NHS: variants seen among roughly 807,000 people sequenced by gnomAD.
NHS encodes the protein NHS actin remodeling regulator, also known as actin remodeling regulator NHS.
A neutral mutation model predicts 72.5 loss-of-function variants in NHS; 5 were observed. The observed-to-expected ratio is 0.07, with a 90% CI of 0.04 to 0.14. NHS has a LOEUF of 0.14. Ranked by LOEUF, NHS falls within the 10% of genes least tolerant of loss-of-function variation. NHS has a pLI of 1.00. For synonymous variants in NHS, 464 were observed against 547.7 expected, an observed-to-expected ratio of 0.85 and a Z score of 2.13; for missense variants, 1,072 against 1,355.7, an observed-to-expected ratio of 0.79 and a Z score of 3.29.
chrX:17,380,668 C>T (rs147258928), intron 1 of NHS, among the ~76,000 whole-genome samples: 130 of 111,971 alleles, frequency 1.2e-3, no homozygotes, highest in Non-Finnish European at 2.1e-3. Context: ...TCTTGTAAGG[C>T]GTTTCACTCT....
chrX:17,585,334 C>G (rs2065569245), intron 1 of NHS, among the ~76,000 whole-genome samples: 1 of 112,165 alleles, frequency 8.9e-6, no homozygotes, highest in African/African-American at 3.2e-5. Flanking sequence ...CTGGGCTAAA[C>G]TACTATTAGC....
rs1460333806 is a variant in NHS at position 17,429,257 on chromosome X, T to TGTGTGTGC, written c.565+52936_565+52937insTGTGTGCG. On this transcript the variant is annotated intron_variant, in intron 1 of 8. Coordinates refer to ENST00000676302, the MANE Select transcript of NHS (RefSeq NM_001291867.2). ...GTGTGTGTGTGTGTGTGTGTGTGTGTGCACACGTGCGCGCGCGCTATACAG... is the reference window on the plus strand; with the variant it reads ...GTGTGTGTGTGTGTGTGTGTGTGTGTGTGTGTGCGCACACGTGCGCGCGCGCTATACAG... Among the ~76,000 whole-genome samples the TGTGTGTGC allele has an allele frequency of 9.5e-3, 1,017 of 106,536 alleles. 13 individuals carry two copies. Among genetic ancestry groups the TGTGTGTGC allele is most frequent in the African/African-American group, 0.034 (975 of 28,738 alleles). The allele number at this position is 106,536 out of a possible 115,157, so 92.5% of individuals were successfully genotyped here.
At chrX:17,654,352 C>T (rs1016323284) in intron 1 of NHS, among the ~76,000 whole-genome samples, 2 of 111,972 alleles carry the variant, frequency 1.8e-5, no homozygotes, top group African/African-American at 6.5e-5. Flanking sequence ...CCTGTCCCAG[C>T]CACACTCTGT....
At chrX:17,613,616 T>G (rs1301061101) in intron 1 of NHS, among the ~76,000 whole-genome samples, 2 of 111,491 alleles carry the variant, frequency 1.8e-5, no homozygotes, top group Admixed American at 1.9e-4. Context: ...GGAAAACCCA[T>G]CCCTGGCATC....
intron 1 of NHS, among the ~76,000 whole-genome samples, chrX:17,455,311 C>T (rs1400187394): frequency 2.7e-5 from 3 of 111,856 alleles, no homozygotes; most frequent in Non-Finnish European, 5.6e-5. Context: ...GACAGCTCCT[C>T]TTCCTCCTTC....
intron 1 of NHS, among the ~76,000 whole-genome samples, chrX:17,615,161 C>CGTATATATACG (rs1407423382): frequency 1.3e-4 from 5 of 39,250 alleles, no homozygotes; most frequent in African/African-American, 4.9e-4. Flanking sequence ...TGTATATATA[C>CGTATATATACG]TATATATATA....
At chrX:17,591,201 T>C (rs1051452885) in intron 1 of NHS, among the ~76,000 whole-genome samples, 2 of 111,814 alleles carry the variant, frequency 1.8e-5, no homozygotes, top group Non-Finnish European at 3.8e-5. Flanking sequence ...GAGTTACTGT[T>C]GATGGAGAAA....
At chrX:17,704,808 T>C (rs761042764) in intron 3 of NHS, among the ~76,000 whole-genome samples, 1 of 111,929 alleles carries the variant, frequency 8.9e-6, no homozygotes, top group South Asian at 3.8e-4. Context: ...GTCAGAAATA[T>C]ATTCAATAGG....
Position 17,725,592 on chromosome X carries a change from C to A in NHS, c.1486C>A (p.Pro496Thr), listed in dbSNP as rs776544929. The A allele has an allele frequency of 8.3e-6, 10 of 1,211,804 alleles. No individual in the cohort carries two copies. Among genetic ancestry groups the A allele is most frequent in the South Asian group, 3.5e-5 (2 of 56,975 alleles). The change falls in exon 7 of 9, where the codon CCT (proline) becomes ACT (threonine). Residue 496 changes from proline (P) to threonine (T), a missense_variant. Pro to Thr is a conservative substitution (Grantham distance 38, BLOSUM62 -1). Coordinates refer to ENST00000676302, the MANE Select transcript of NHS (RefSeq NM_001291867.2). ...AGACAAAGGTGACACCATGTTTACT[C>A]CTGCAGTGAGCAGCCGCACAAGATC... Reference protein sequence around the residue: ...LADKGDTMFTPAVSSRTRSRS... With the variant: ...LADKGDTMFTTAVSSRTRSRS...
intron 1 of NHS, among the ~76,000 whole-genome samples, chrX:17,570,898 G>A (rs895893829): frequency 6.3e-5 from 7 of 111,828 alleles, no homozygotes; most frequent in Non-Finnish European, 9.4e-5. Context: ...GAATTTTGTC[G>A]AAGGCCTTTT....
At position 17,543,832 on chromosome X, in the gene NHS, C is replaced by T. The variant is rs760226335; in HGVS notation, c.566-143910C>T. On this transcript the variant is annotated intron_variant, in intron 1 of 8. Coordinates refer to ENST00000676302, the MANE Select transcript of NHS (RefSeq NM_001291867.2). ...CCCCTCCTCTTTTTCCTTTTGATACCAGGAGCTACTTCACTTAAAAGTGCC... is the reference window on the plus strand; with the variant it reads ...CCCCTCCTCTTTTTCCTTTTGATACTAGGAGCTACTTCACTTAAAAGTGCC... 6.3e-5 allele frequency among the ~76,000 whole-genome samples: 7 copies of T among 111,333 alleles called. No homozygotes were observed. The South Asian group carries it at 2.7e-3, about 42-fold the overall frequency.
In NHS at chrX:17,726,653, G is replaced by C. The variant is rs781782408; in HGVS notation, c.2547G>C (p.Pro849=). 43 of 1,209,956 alleles carry C rather than the reference G, an allele frequency of 3.6e-5. No individual in the cohort carries two copies. Among genetic ancestry groups the C allele is most frequent in the Non-Finnish European group, 4.7e-5 (42 of 895,275 alleles). ...SISFRKPKAK[P]TPPKRSSSLR... ...CTTTCAGGAAACCAAAGGCAAAGCC[G>C]ACCCCACCTAAACGTAGCTCATCAT... The change falls in exon 7 of 9, where the codon CCG becomes CCC. Residue 849 remains proline (P), a synonymous_variant. Transcript: ENST00000676302.
chrX:17,692,572 A>G, intron 3 of NHS, 104 bp downstream of exon 3: 1 of 1,022,932 alleles, frequency 9.8e-7, no homozygotes, highest in Non-Finnish European at 1.4e-6. Context: ...TGGGCTGGCT[A>G]AGAGCTCAAA....
chrX:17,475,624 C>G (rs1431913107), intron 1 of NHS, among the ~76,000 whole-genome samples: 1 of 112,228 alleles, frequency 8.9e-6, no homozygotes, highest in Non-Finnish European at 1.9e-5. Flanking sequence ...AGATGCCCAA[C>G]AGCCTGTGAT....
chrX:17,730,218 G>C (rs943608069), intron 8 of NHS, among the ~76,000 whole-genome samples: 1 of 112,333 alleles, frequency 8.9e-6, no homozygotes, highest in African/African-American at 3.2e-5. Context: ...CCAAATGCTA[G>C]TGTATGGAAT....
chrX:17,576,828 C>T (rs1402648555), intron 1 of NHS, among the ~76,000 whole-genome samples: 2 of 111,944 alleles, frequency 1.8e-5, no homozygotes, highest in Non-Finnish European at 3.8e-5. Context: ...TTTACAGCAT[C>T]TCAAGGTTGA....
At position 17,726,285 on chromosome X, in the gene NHS, C is replaced by G; in HGVS notation, c.2179C>G (p.His727Asp). Residue 727 changes from histidine (H) to aspartate (D), a missense_variant, in exon 7 of 9, where the codon CAC becomes GAC. By Grantham distance (81) the His-to-Asp change is moderately conservative. Coordinates refer to ENST00000676302, the MANE Select transcript of NHS (RefSeq NM_001291867.2). ...AAGTGACAGTGAGTGGAATTACCTA[C>G]ACCACCACCATGATGCCTCCTGCCG... The part of the protein sequence containing the change: ...NTSDSEWNYL[H>D]HHHDASCRQD... 8.3e-7 allele frequency: 1 copy of G among 1,211,918 alleles called. No individual in the cohort carries two copies. The highest frequency in any genetic ancestry group is 1.1e-6 in the Non-Finnish European group (1 of 895,470).
chrX:17,475,211 C>T (rs887915987), intron 1 of NHS, among the ~76,000 whole-genome samples: 4 of 112,356 alleles, frequency 3.6e-5, no homozygotes, highest in Non-Finnish European at 7.5e-5. Flanking sequence ...AGCAGCTATT[C>T]GGAAGTGTGG....
At chrX:17,648,250 G>C (rs940425775) in intron 1 of NHS, among the ~76,000 whole-genome samples, 15 of 111,631 alleles carry the variant, frequency 1.3e-4, no homozygotes, top group African/African-American at 4.6e-4. Flanking sequence ...ATTCATGTCT[G>C]GTGATTAGCA....
Sources: gnomAD v4.1 joint callset for allele counts (sites outside exome capture counted in the v4.1 genomes callset) on GRCh38, gnomAD v4.1.1 for gene constraint, MANE v1.5 for transcripts, NCBI Gene and HGNC (gene_info 2026-07-23, HGNC 2026-07-21) for gene names.